The following GABRG1 variants were observed in gnomAD, a reference collection of about 807,000 sequenced individuals.
The protein encoded by GABRG1 is gamma-aminobutyric acid type A receptor subunit gamma1.
Under a neutral mutation model 49.8 loss-of-function variants are expected in GABRG1, and 49 were observed. The observed-to-expected ratio is 0.98, with a 90% CI of 0.78 to 1.25. The LOEUF is 1.25. Among genes scored for constraint, GABRG1 ranks in the 50% most tolerant of loss-of-function variants. GABRG1 has a pLI of 0.00. For missense variants in GABRG1, 552 were observed against 552.3 expected (o/e 1.00, Z 0.01); for synonymous variants, 232 against 185.1 (o/e 1.25, Z -2.06).
intron 3 of GABRG1, among the ~76,000 whole-genome samples, chr4:46,074,981 C>T (rs7666750): frequency 0.57 from 85,794 of 151,222 alleles, 24,798 homozygotes; most frequent in African/African-American, 0.64. Context: ...CTCTTATTGG[C>T]GAAATGTGGG....
chr4:46,065,480 T>C lies in GABRG1; in HGVS notation c.426A>G (p.Lys142=). The part of the protein sequence containing the change: ...VLMLNSNMVG[K]IWIPDTFFRN... ...TGAAGAAAGTGTCAGGAATCCAAAT[T>C]TTTCCAACCATATTACTGTTAAGCA... The change falls in exon 4 of 9, where the codon AAA becomes AAG. Residue 142 remains lysine, a synonymous_variant. Transcript: ENST00000295452. 1.2e-6 allele frequency: 2 copies of C among 1,610,742 alleles called. No individual in the cohort carries two copies. The highest frequency in any genetic ancestry group is 1.7e-6 in the Non-Finnish European group (2 of 1,177,214).
In GABRG1 at chr4:46,043,272, G is replaced by T. The variant is rs974499458; in HGVS notation, c.1132-2018C>A. On this transcript the variant is annotated intron_variant, in intron 8 of 8. Coordinates refer to ENST00000295452, the MANE Select transcript of GABRG1 (RefSeq NM_173536.4). The stretch of plus-strand genomic sequence containing the variant: ...ACTAAAATGAACAAAAACTGCAAGG[G>T]GTTTATTTAAAAAATGAACTCTCTG... 3.3e-5 allele frequency among the ~76,000 whole-genome samples: 5 copies of T among 151,646 alleles called. No individual in the cohort carries two copies. The East Asian group carries it at 9.7e-4, about 30-fold the overall frequency.
At chr4:46,080,042 C>A (rs900826639) in intron 3 of GABRG1, among the ~76,000 whole-genome samples, 14 of 151,806 alleles carry the variant, frequency 9.2e-5, no homozygotes, top group Non-Finnish European at 1.9e-4. Flanking sequence ...ATTAGTGCAT[C>A]TGTTACTCAT....
chr4:46,073,656 A>G (rs1469439274), intron 3 of GABRG1, among the ~76,000 whole-genome samples: 1 of 152,020 alleles, frequency 6.6e-6, no homozygotes, highest in Non-Finnish European at 1.5e-5. Flanking sequence ...ATTCATGGGG[A>G]TACATTCCAA....
intron 1 of GABRG1, among the ~76,000 whole-genome samples, chr4:46,123,119 C>T (rs1016218929): frequency 2.7e-5 from 4 of 150,938 alleles, no homozygotes; most frequent in Admixed American, 6.6e-5. Context: ...CACACACACA[C>T]ACACACACAC....
intron 5 of GABRG1, among the ~76,000 whole-genome samples, chr4:46,061,546 A>G (rs1718674917): frequency 1.3e-5 from 2 of 152,100 alleles, no homozygotes; most frequent in African/African-American, 4.8e-5. Context: ...TTTTAAGATA[A>G]TTGTATGTAT....
At chr4:46,061,544 T>C (rs538530010) in intron 5 of GABRG1, among the ~76,000 whole-genome samples, 27 of 152,226 alleles carry the variant, frequency 1.8e-4, no homozygotes, top group African/African-American at 5.1e-4. Flanking sequence ...ATTTTTAAGA[T>C]AATTGTATGT....
rs937931838 is a variant in GABRG1, at chr4:46,039,208, A to T, written c.*1780T>A. On this transcript the variant is annotated 3_prime_UTR_variant, in exon 9 of 9. Coordinates refer to ENST00000295452, the MANE Select transcript of GABRG1 (RefSeq NM_173536.4). The stretch of plus-strand genomic sequence containing the variant: ...TGAATGTATGAATAATCTGTAAATG[A>T]ATATATAGATGGCCAAAGTTTAGTT... 1 of 151,672 alleles carries T rather than the reference A, an allele frequency of 6.6e-6. No individual in the cohort carries two copies. The highest frequency in any genetic ancestry group is 1.5e-5 in the Non-Finnish European group (1 of 67,712). 9.4% of individuals were successfully genotyped at this position (151,672 alleles called of 1,614,324 possible).
intron 1 of GABRG1, among the ~76,000 whole-genome samples, chr4:46,120,678 C>T (rs1265189172): frequency 6.6e-6 from 1 of 151,672 alleles, no homozygotes; most frequent in South Asian, 2.1e-4. Flanking sequence ...ACTACCCACA[C>T]AAAACATACT....
At chr4:46,046,046 T>C (rs935417366) in intron 8 of GABRG1, among the ~76,000 whole-genome samples, 3 of 152,068 alleles carry the variant, frequency 2.0e-5, no homozygotes, top group Non-Finnish European at 4.4e-5. Flanking sequence ...TACAATGTAG[T>C]TGATTCTGAG....
chr4:46,086,189 A>G (rs555052734), intron 2 of GABRG1, among the ~76,000 whole-genome samples: 4 of 151,604 alleles, frequency 2.6e-5, no homozygotes, highest in African/African-American at 9.7e-5. Flanking sequence ...ATAAGTAGAT[A>G]TTCTCCCAGT....
At chr4:46,089,799 C>T (rs891773687) in intron 2 of GABRG1, among the ~76,000 whole-genome samples, 1 of 151,764 alleles carries the variant, frequency 6.6e-6, no homozygotes, top group Non-Finnish European at 1.5e-5. Flanking sequence ...CCCGTCTCTA[C>T]AAAAAATACA....
chr4:46,047,071 G>A (rs1188854628), intron 8 of GABRG1, among the ~76,000 whole-genome samples: 1 of 151,812 alleles, frequency 6.6e-6, no homozygotes, highest in Non-Finnish European at 1.5e-5. Context: ...TGATGACAAT[G>A]TTCTACATCT....
intron 3 of GABRG1, among the ~76,000 whole-genome samples, chr4:46,068,843 C>G (rs2350437): frequency 0.51 from 76,761 of 151,814 alleles, 19,982 homozygotes; most frequent in African/African-American, 0.63. Flanking sequence ...AACATAAAAT[C>G]GAACTTCTGT....
intron 1 of GABRG1, 116 bp downstream of exon 1, chr4:46,123,694 T>A (rs923837188): frequency 1.5e-6 from 1 of 677,752 alleles, no homozygotes; most frequent in African/African-American, 1.8e-5. Flanking sequence ...AAATACCACA[T>A]ATGTGTTAGG....
chr4:46,118,248 A>G (rs1241823538), intron 1 of GABRG1, among the ~76,000 whole-genome samples: 1 of 96,142 alleles, frequency 1.0e-5, no homozygotes, highest in African/African-American at 6.1e-5. Context: ...ATATAGATCT[A>G]TCTATCTATC....
At chr4:46,048,992 G>A (rs1718112575) in intron 8 of GABRG1, among the ~76,000 whole-genome samples, 1 of 151,878 alleles carries the variant, frequency 6.6e-6, no homozygotes, top group Non-Finnish European at 1.5e-5. Flanking sequence ...TGACCTTTCA[G>A]CAACTCTCTA....
intron 8 of GABRG1, among the ~76,000 whole-genome samples, chr4:46,047,703 T>C (rs2109394720): frequency 6.6e-6 from 1 of 152,034 alleles, no homozygotes; most frequent in South Asian, 2.1e-4. Flanking sequence ...TATGTATATT[T>C]GTTATAAAAA....
intron 1 of GABRG1, among the ~76,000 whole-genome samples, chr4:46,119,722 T>A (rs1447244443): frequency 6.6e-6 from 1 of 151,562 alleles, no homozygotes; most frequent in Non-Finnish European, 1.5e-5. Flanking sequence ...CTGTTTATCT[T>A]TAGAGTTCTA....
Sources: gnomAD v4.1 joint callset for allele counts (sites outside exome capture counted in the v4.1 genomes callset) on GRCh38, gnomAD v4.1.1 for gene constraint, MANE v1.5 for transcripts, NCBI Gene and HGNC (gene_info 2026-07-23, HGNC 2026-07-21) for gene names.